The following SMIM36 variants were observed in gnomAD, a reference collection of about 807,000 sequenced individuals.
SMIM36 encodes the protein small integral membrane protein 36.
chr17:55,522,088 C>T, the SMIM36 span, among the ~76,000 whole-genome samples: 2 of 152,198 alleles, frequency 1.3e-5, no homozygotes, highest in Non-Finnish European at 2.9e-5. Flanking sequence ...TAAGGCACTG[C>T]ACAAGCTGGC....
intron 1 of SMIM36, among the ~76,000 whole-genome samples, chr17:55,498,683 T>G (rs1909853385): frequency 6.6e-6 from 1 of 151,480 alleles, no homozygotes; most frequent in Admixed American, 6.6e-5. Context: ...GGAAAAAGGC[T>G]CAGGAAGTTA....
At chr17:55,514,788 T>G (rs1910239875), upstream of SMIM36, among the ~76,000 whole-genome samples, 1 of 152,232 alleles carries the variant, frequency 6.6e-6, no homozygotes, top group Non-Finnish European at 1.5e-5. Context: ...AAGTAGAGTT[T>G]ATTACTTAAA....
rs535514810 is a variant in SMIM36, at chr17:55,497,762, C to T, written c.*174+13117G>A. Reference sequence around the variant, plus strand: ...AATGGTTACTCAGCTTGTGCAGCATCGATTTCCTAGGCAGCCTCTATTAAG... The same window carrying T: ...AATGGTTACTCAGCTTGTGCAGCATTGATTTCCTAGGCAGCCTCTATTAAG... On this transcript the variant is annotated intron_variant, in intron 1 of 4. Transcript: ENST00000636752. Among the ~76,000 whole-genome samples the T allele has an allele frequency of 1.1e-4, 16 of 152,262 alleles. No homozygotes were observed. The South Asian group carries it at 1.9e-3, about 18-fold the overall frequency.
At chr17:55,473,429 C>T (rs1344482625) in intron 3 of SMIM36, among the ~76,000 whole-genome samples, 3 of 152,184 alleles carry the variant, frequency 2.0e-5, no homozygotes, top group African/African-American at 7.2e-5. Context: ...AAGGCTACTG[C>T]GGTCATTTCT....
intron 3 of SMIM36, among the ~76,000 whole-genome samples, chr17:55,470,455 C>T (rs901202303): frequency 6.6e-6 from 1 of 152,122 alleles, no homozygotes; most frequent in Non-Finnish European, 1.5e-5. Flanking sequence ...TTTCAAGGGC[C>T]TGTTTCCCTT....
intron 1 of SMIM36, among the ~76,000 whole-genome samples, chr17:55,507,353 A>G (rs1255506495): frequency 7.2e-6 from 1 of 139,528 alleles, no homozygotes; most frequent in Admixed American, 7.3e-5. Context: ...GATAGACTGG[A>G]GTAAGAAAAT....
At chr17:55,458,855 T>TA (rs1368318221) in intron 4 of SMIM36, among the ~76,000 whole-genome samples, 1 of 152,142 alleles carries the variant, frequency 6.6e-6, no homozygotes, top group East Asian at 1.9e-4. Context: ...AATAAAATTT[T>TA]ACACTCATTC....
intron 1 of SMIM36, among the ~76,000 whole-genome samples, chr17:55,485,984 G>A (rs1909599788): frequency 6.6e-6 from 1 of 151,084 alleles, no homozygotes; most frequent in Non-Finnish European, 1.5e-5. Context: ...ACATAAAACA[G>A]TGAATTGAGA....
At chr17:55,510,138 A>G (rs1190075425) in intron 1 of SMIM36, among the ~76,000 whole-genome samples, 1 of 152,090 alleles carries the variant, frequency 6.6e-6, no homozygotes, top group Non-Finnish European at 1.5e-5. Flanking sequence ...GAGGTGGCTC[A>G]ACTTAACCAT....
At chr17:55,450,700 TGA>T (rs1306149062) in intron 4 of SMIM36, among the ~76,000 whole-genome samples, 1 of 152,168 alleles carries the variant, frequency 6.6e-6, no homozygotes, top group Non-Finnish European at 1.5e-5. Context: ...AACTTGCAGC[TGA>T]GTTAGGAGAC....
chr17:55,462,664 C>T (rs1405629918), intron 4 of SMIM36, among the ~76,000 whole-genome samples: 1 of 152,088 alleles, frequency 6.6e-6, no homozygotes, highest in African/African-American at 2.4e-5. Flanking sequence ...TGGCATGCAG[C>T]GTTGTCATGA....
At chr17:55,488,119 C>T (rs558057668) in intron 1 of SMIM36, among the ~76,000 whole-genome samples, 28 of 152,334 alleles carry the variant, frequency 1.8e-4, no homozygotes, top group Non-Finnish European at 2.6e-4. Flanking sequence ...GTTTTCCTTA[C>T]TATTTACTTC....
intron 3 of SMIM36, among the ~76,000 whole-genome samples, chr17:55,478,354 C>T (rs941663069): frequency 7.9e-5 from 12 of 151,994 alleles, no homozygotes; most frequent in South Asian, 2.1e-4. Context: ...CTGCCTCAGC[C>T]TCCCGAGTAG....
chr17:55,453,511 C>T (rs1908961888), intron 4 of SMIM36, among the ~76,000 whole-genome samples: 1 of 152,072 alleles, frequency 6.6e-6, no homozygotes, highest in Non-Finnish European at 1.5e-5. Context: ...ATGGCAGTAA[C>T]GATTTCCAGG....
intron 1 of SMIM36, among the ~76,000 whole-genome samples, chr17:55,499,367 C>A (rs989462135): frequency 6.6e-6 from 1 of 152,064 alleles, no homozygotes; most frequent in African/African-American, 2.4e-5. Context: ...TAGGAGGTGA[C>A]CCATCTAGAA....
At chr17:55,520,595 G>T in the SMIM36 span, among the ~76,000 whole-genome samples, 31 of 152,286 alleles carry the variant, frequency 2.0e-4, no homozygotes, top group Admixed American at 3.9e-4. Context: ...TGTACAGTGC[G>T]GATACAATGG....
At chr17:55,489,350 C>T (rs1193127918) in intron 1 of SMIM36, among the ~76,000 whole-genome samples, 6 of 150,600 alleles carry the variant, frequency 4.0e-5, no homozygotes, top group Non-Finnish European at 7.4e-5. Context: ...TGCACTCTTG[C>T]CTGGACAGAA....
chr17:55,520,575 G>A, the SMIM36 span, among the ~76,000 whole-genome samples: 1 of 152,166 alleles, frequency 6.6e-6, no homozygotes, highest in African/African-American at 2.4e-5. Flanking sequence ...TGACTAATGG[G>A]CAGGTAGCAT....
the SMIM36 span, among the ~76,000 whole-genome samples, chr17:55,520,488 A>G: frequency 6.6e-6 from 1 of 152,156 alleles, no homozygotes; most frequent in Non-Finnish European, 1.5e-5. Flanking sequence ...CTTTGGGGCT[A>G]AGTAAAATAA....
Sources: gnomAD v4.1 joint callset for allele counts (sites outside exome capture counted in the v4.1 genomes callset) on GRCh38, gnomAD v4.1.1 for gene constraint, MANE v1.5 for transcripts, NCBI Gene and HGNC (gene_info 2026-07-23, HGNC 2026-07-21) for gene names.